The following PSMD14 variants were observed in gnomAD, a reference collection of about 807,000 sequenced individuals.
PSMD14 encodes the protein ubiquitin C-terminal hydrolase PSMD14.
PSMD14 carries 7 observed loss-of-function variants against 41.2 expected under a neutral mutation model. The observed-to-expected ratio is 0.17, with a 90% CI of 0.10 to 0.32. The LOEUF (loss-of-function observed/expected upper bound fraction) is 0.32. Among genes scored for constraint, PSMD14 ranks in the 10% least tolerant of loss-of-function variants. PSMD14 has a pLI of 1.00. For synonymous variants in PSMD14, 114 were observed against 122.3 expected, an observed-to-expected ratio of 0.93 and a Z score of 0.45; for missense variants, 139 against 375.6, an observed-to-expected ratio of 0.37 and a Z score of 5.21.
At chr2:161,397,106 A>G (rs1355856838) in intron 10 of PSMD14, among the ~76,000 whole-genome samples, 2 of 152,196 alleles carry the variant, frequency 1.3e-5, no homozygotes, top group Non-Finnish European at 2.9e-5. Flanking sequence ...CTGGGATTAC[A>G]GGAATGAGCC....
At chr2:161,410,941 C>T (rs898270307) in intron 11 of PSMD14, among the ~76,000 whole-genome samples, 4 of 151,846 alleles carry the variant, frequency 2.6e-5, no homozygotes, top group South Asian at 2.1e-4. Flanking sequence ...GATATATGAA[C>T]GGTAGAGAAT....
intron 5 of PSMD14, among the ~76,000 whole-genome samples, chr2:161,369,048 G>T (rs115957273): frequency 4.9e-4 from 75 of 151,892 alleles, no homozygotes; most frequent in African/African-American, 1.6e-3. Flanking sequence ...CAAAGGTTTA[G>T]ATTTAAATCT....
intron 5 of PSMD14, among the ~76,000 whole-genome samples, chr2:161,369,140 C>A (rs181358523): frequency 6.6e-6 from 1 of 151,914 alleles, no homozygotes; most frequent in Non-Finnish European, 1.5e-5. Context: ...GTTATGGGTA[C>A]TTATGTAGAT....
At chr2:161,346,038 C>G (rs1458073596) in intron 3 of PSMD14, among the ~76,000 whole-genome samples, 1 of 152,084 alleles carries the variant, frequency 6.6e-6, no homozygotes, top group Non-Finnish European at 1.5e-5. Context: ...TGTGCCACCA[C>G]TCTCAGCTAA....
chr2:161,402,026 G>C (rs1380749151), intron 10 of PSMD14, among the ~76,000 whole-genome samples: 1 of 152,160 alleles, frequency 6.6e-6, no homozygotes, highest in Non-Finnish European at 1.5e-5. Context: ...TAAAATGATA[G>C]CTACAACCAC....
At chr2:161,360,529 A>AT (rs1284526584) in intron 3 of PSMD14, among the ~76,000 whole-genome samples, 1 of 151,774 alleles carries the variant, frequency 6.6e-6, no homozygotes, top group Non-Finnish European at 1.5e-5. Context: ...TAATTTTTGT[A>AT]TTTTCAGTAG....
intron 3 of PSMD14, among the ~76,000 whole-genome samples, chr2:161,336,987 A>C (rs1376671175): frequency 6.6e-6 from 1 of 152,220 alleles, no homozygotes; most frequent in Non-Finnish European, 1.5e-5. Context: ...TCAAAAATTT[A>C]CACTTTCATA....
chr2:161,378,941 C>T (rs2105261468), intron 7 of PSMD14, among the ~76,000 whole-genome samples: 1 of 152,114 alleles, frequency 6.6e-6, no homozygotes, highest in African/African-American at 2.4e-5. Flanking sequence ...ATTTTTCCTA[C>T]TAAAATGCCT....
intron 3 of PSMD14, chr2:161,341,457 C>T: frequency 3.3e-6 from 1 of 303,218 alleles, no homozygotes; most frequent in Non-Finnish European, 4.9e-6. Flanking sequence ...ATATAATTCG[C>T]AGATATTTTC....
At chr2:161,396,579 T>G (rs887510371) in intron 10 of PSMD14, among the ~76,000 whole-genome samples, 20 of 152,062 alleles carry the variant, frequency 1.3e-4, no homozygotes, top group Admixed American at 4.6e-4. Context: ...TCTAAAAAAG[T>G]TGAACTCATA....
At chr2:161,310,629 T>G (rs1203598651) in intron 1 of PSMD14, among the ~76,000 whole-genome samples, 6 of 152,238 alleles carry the variant, frequency 3.9e-5, no homozygotes, top group Non-Finnish European at 7.3e-5. Context: ...CGACAACATT[T>G]ATTGAGTACC....
At chr2:161,367,168 A>G (rs1222442085) in intron 3 of PSMD14, among the ~76,000 whole-genome samples, 1 of 152,206 alleles carries the variant, frequency 6.6e-6, no homozygotes, top group East Asian at 1.9e-4. Flanking sequence ...CATTTCACAT[A>G]TACACACTGT....
chr2:161,397,088 C>T (rs902776390), intron 10 of PSMD14, among the ~76,000 whole-genome samples: 5 of 152,106 alleles, frequency 3.3e-5, no homozygotes, highest in Admixed American at 3.3e-4. Flanking sequence ...CCTTGGCCTC[C>T]CAAAGTGCTG....
At chr2:161,350,273 G>A (rs1361730513) in intron 3 of PSMD14, among the ~76,000 whole-genome samples, 1 of 152,122 alleles carries the variant, frequency 6.6e-6, no homozygotes, top group Non-Finnish European at 1.5e-5. Context: ...TTAATTTTTA[G>A]TATAAGTATG....
intron 3 of PSMD14, among the ~76,000 whole-genome samples, chr2:161,347,409 C>T (rs770440271): frequency 2.0e-5 from 3 of 152,056 alleles, no homozygotes; most frequent in Non-Finnish European, 4.4e-5. Flanking sequence ...CTCCTGAGTA[C>T]CTGGGACTAC....
intron 8 of PSMD14, among the ~76,000 whole-genome samples, chr2:161,388,067 T>A (rs548749642): frequency 6.6e-6 from 1 of 152,088 alleles, no homozygotes; most frequent in Non-Finnish European, 1.5e-5. Context: ...CTAAATTTTT[T>A]AAACTATTCC....
chr2:161,309,039 CTGTTAG>C (rs1419783737), intron 1 of PSMD14, among the ~76,000 whole-genome samples: 2 of 152,076 alleles, frequency 1.3e-5, no homozygotes, highest in Non-Finnish European at 2.9e-5. Context: ...AACCCTTTTT[CTGTTAG>C]TGTTAGGTTT....
At position 161,385,588 on chromosome 2, in the gene PSMD14, A is replaced by T; in HGVS notation, c.570+17A>T. The T allele has an allele frequency of 6.7e-7, 1 of 1,486,842 alleles. No homozygotes were observed. The highest frequency in any genetic ancestry group is 9.4e-7 in the Non-Finnish European group (1 of 1,067,482). 92.1% of individuals were successfully genotyped at this position (1,486,842 alleles called of 1,614,324 possible). A position where few individuals can be genotyped will look rare whatever the true frequency, so the allele number is the denominator to read the frequency against. On this transcript the variant is annotated intron_variant, in intron 8 of 11. Transcript: ENST00000409682. The stretch of plus-strand genomic sequence containing the variant: ...TCTATCCAGGTATTGCCTATATTTG[A>T]TAATGTGTTAAAACTCTTTTAAATT...
At chr2:161,331,641 A>T (rs1682792469) in intron 3 of PSMD14, among the ~76,000 whole-genome samples, 2 of 152,180 alleles carry the variant, frequency 1.3e-5, no homozygotes, top group Non-Finnish European at 2.9e-5. Context: ...AAATTGTAGT[A>T]ATATAGGGAG....
Sources: allele counts gnomAD v4.1 joint callset (sites outside exome capture counted in the v4.1 genomes callset), GRCh38; gene constraint gnomAD v4.1.1; transcripts MANE v1.5; gene names NCBI Gene and HGNC (gene_info 2026-07-23, HGNC 2026-07-21).